Variants in SUN3 observed in about 807,000 individuals in gnomAD.
The protein encoded by SUN3 is SUN domain-containing protein 3.
SUN3 carries 36 observed loss-of-function variants against 48.2 expected under a neutral mutation model. The ratio of observed to expected loss-of-function variants is 0.75; its 90% confidence interval spans 0.57 to 0.99. SUN3 has a LOEUF of 0.99. Among genes scored for constraint, SUN3 ranks in the 50% least tolerant of loss-of-function variants. The pLI is 0.00. For synonymous variants in SUN3, 148 were observed against 147.9 expected, an observed-to-expected ratio of 1.00 and a Z score of 0.00; for missense variants, 419 against 433.1, an observed-to-expected ratio of 0.97 and a Z score of 0.29.
intron 2 of SUN3, among the ~76,000 whole-genome samples, chr7:48,020,733 T>C (rs1206074682): frequency 6.6e-6 from 1 of 151,706 alleles, no homozygotes; most frequent in Non-Finnish European, 1.5e-5. Context: ...ACCAAAGAAG[T>C]GAAAGATCTC....
At chr7:48,033,827 A>G (rs1790283545), upstream of SUN3, among the ~76,000 whole-genome samples, 1 of 152,158 alleles carries the variant, frequency 6.6e-6, no homozygotes, top group African/African-American at 2.4e-5. Flanking sequence ...AGGCCGAGGC[A>G]GGTGGATCAC....
At chr7:48,029,378 C>G (rs1322255728), upstream of SUN3, among the ~76,000 whole-genome samples, 6 of 152,206 alleles carry the variant, frequency 3.9e-5, no homozygotes, top group Non-Finnish European at 2.9e-5. Context: ...AATCTCAGCA[C>G]TCTTATTTTC....
At chr7:48,000,528 A>G (rs1789333643) in intron 6 of SUN3, among the ~76,000 whole-genome samples, 1 of 152,234 alleles carries the variant, frequency 6.6e-6, no homozygotes, top group Non-Finnish European at 1.5e-5. Context: ...ATTGAGCTGA[A>G]GAACTTCCTT....
rs375528180 is a variant in SUN3, at chr7:48,028,806, T to C, written c.122+11A>G. On this transcript the variant is annotated intron_variant, in intron 1 of 9. Transcript: ENST00000297325. ...CAATTTCAGGCACACCGTTCTGCCA[T>C]GTTTACCTACCCATTCGCATCAGGA... 9.4e-5 allele frequency: 152 copies of C among 1,613,352 alleles called. No homozygotes were observed. Among genetic ancestry groups the C allele is most frequent in the Middle Eastern group, 8.3e-4 (5 of 6,048 alleles).
rs1789000667 is a variant in SUN3 at position 47,989,805 on chromosome 7, C to A, written c.862-925G>T. On this transcript the variant is annotated intron_variant, in intron 8 of 9. Coordinates refer to ENST00000297325, the MANE Select transcript of SUN3 (RefSeq NM_001030019.2). ...GAGATGCTGTTAATTTGTAACCCTA[C>A]CCCAACCCTGTGCTGGCTGAAACAT... Among the ~76,000 whole-genome samples the A allele has an allele frequency of 3.9e-5, 6 of 152,168 alleles. No individual in the cohort carries two copies. The South Asian group carries it at 1.0e-3, about 26-fold the overall frequency.
chr7:47,994,768 G>C (rs1038198425), intron 7 of SUN3, among the ~76,000 whole-genome samples: 4 of 150,814 alleles, frequency 2.7e-5, no homozygotes, highest in Non-Finnish European at 5.9e-5. Context: ...TAGTGATGGT[G>C]GTAGTGAGGA....
At chr7:47,997,577 G>GATATAATTCACATCCT (rs1366120432) in intron 6 of SUN3, among the ~76,000 whole-genome samples, 1 of 152,134 alleles carries the variant, frequency 6.6e-6, no homozygotes, top group Non-Finnish European at 1.5e-5. Context: ...GCTTTATTAA[G>GATATAATTCACATCCT]ATATAATTCA....
At chr7:47,994,674 G>T (rs1254217197) in intron 7 of SUN3, among the ~76,000 whole-genome samples, 192 bp from the exon 8 acceptor site, 1 of 152,220 alleles carries the variant, frequency 6.6e-6, no homozygotes, top group South Asian at 2.1e-4. Context: ...TTTATCATAT[G>T]AGCATGTTTT....
chr7:48,018,132 T>A (rs1583775956), intron 2 of SUN3, among the ~76,000 whole-genome samples: 1 of 152,180 alleles, frequency 6.6e-6, no homozygotes, highest in Non-Finnish European at 1.5e-5. Flanking sequence ...GTAGATTGTG[T>A]ATAAGCAGGA....
rs186573838 is a variant in SUN3, at chr7:47,992,401, T to C, written c.861+1914A>G. On this transcript the variant is annotated intron_variant, in intron 8 of 9. Coordinates refer to ENST00000297325, the MANE Select transcript of SUN3 (RefSeq NM_001030019.2). ...GTACTGCCTTCATAAAAGAAAAAAA[T>C]ATAGGCTCTAAAAAAGGGAATATGT... Among the ~76,000 whole-genome samples, 68 of 151,922 alleles carry C rather than the reference T, an allele frequency of 4.5e-4. No homozygotes were observed. The East Asian group carries it at 0.012, about 28-fold the overall frequency.
intron 8 of SUN3, among the ~76,000 whole-genome samples, chr7:47,991,897 TGGC>T (rs2128770130): frequency 6.6e-6 from 1 of 152,280 alleles, no homozygotes; most frequent in Non-Finnish European, 1.5e-5. Context: ...CAGCCCCGCC[TGGC>T]CCAGCAGAGG....
intron 2 of SUN3, among the ~76,000 whole-genome samples, chr7:48,025,221 G>A (rs1562615078): frequency 6.6e-6 from 1 of 152,086 alleles, no homozygotes; most frequent in Non-Finnish European, 1.5e-5. Flanking sequence ...ATATTATTTA[G>A]CTACAAAAAG....
chr7:48,034,624 T>A, the SUN3 span, among the ~76,000 whole-genome samples: 1 of 152,196 alleles, frequency 6.6e-6, no homozygotes, highest in African/African-American at 2.4e-5. Context: ...TTTCTGGGTA[T>A]CAAAAGTGTC....
chr7:47,996,168 T>C (rs766694147), intron 6 of SUN3, 22 bp from the exon 7 acceptor site: 2 of 1,344,230 alleles, frequency 1.5e-6, no homozygotes, highest in South Asian at 1.3e-5. Flanking sequence ...AAGTAAGTTG[T>C]AAAATAAAGA....
At position 48,017,326 on chromosome 7, in the gene SUN3, G is replaced by A. The variant is rs80031369; in HGVS notation, c.224C>T (p.Pro75Leu). Residue 75 changes from proline to leucine, a missense_variant, in exon 3 of 10, where the codon CCT (proline) becomes CTT (leucine). By Grantham distance (98) the Pro-to-Leu change is moderately conservative. Coordinates refer to ENST00000297325, the MANE Select transcript of SUN3 (RefSeq NM_001030019.2). ...NHQWLKETDV[P>L]QKSRQLYAII... ...GGCATATAATTGTCTGGATTTCTGA[G>A]GAACATCTGTTTCTTTAAGCCACTG... 7.4e-4 allele frequency: 1,187 copies of A among 1,609,994 alleles called. 9 individuals carry two copies. In the African/African-American group the frequency reaches 0.014, roughly 19 times the overall value.
chr7:48,013,069 C>T (rs1789725302), intron 3 of SUN3, among the ~76,000 whole-genome samples: 1 of 152,174 alleles, frequency 6.6e-6, no homozygotes, highest in Non-Finnish European at 1.5e-5. Context: ...TGGATTAAGA[C>T]TGTGCTGGTG....
At chr7:47,994,218 A>G (rs1789140375) in intron 8 of SUN3, 97 bp downstream of exon 8, 1 of 1,116,164 alleles carries the variant, frequency 9.0e-7, no homozygotes, top group Admixed American at 2.6e-5. Flanking sequence ...AAGTGACACA[A>G]CTAGTTATCT....
upstream of SUN3, among the ~76,000 whole-genome samples, chr7:48,029,896 T>A (rs1184259443): frequency 6.6e-6 from 1 of 152,232 alleles, no homozygotes; most frequent in Admixed American, 6.5e-5. Flanking sequence ...TTTTGGCAAT[T>A]TCTCGCGTAG....
At chr7:48,012,344 G>A (rs1337381508) in intron 3 of SUN3, among the ~76,000 whole-genome samples, 1 of 151,984 alleles carries the variant, frequency 6.6e-6, no homozygotes, top group Non-Finnish European at 1.5e-5. Flanking sequence ...GGCTGGCAAA[G>A]AAATAGCCAT....
Sources: gnomAD v4.1 joint callset for allele counts (sites outside exome capture counted in the v4.1 genomes callset) on GRCh38, gnomAD v4.1.1 for gene constraint, MANE v1.5 for transcripts, NCBI Gene and HGNC (gene_info 2026-07-23, HGNC 2026-07-21) for gene names.